Variants in COL12A1 observed in about 807,000 individuals in gnomAD.
COL12A1 encodes collagen alpha-1(XII) chain.
A neutral mutation model predicts 349.7 loss-of-function variants in COL12A1; 114 were observed. The ratio of observed to expected loss-of-function variants is 0.33; its 90% CI spans 0.28 to 0.38. The LOEUF (loss-of-function observed/expected upper bound fraction) is 0.38, where lower values mean the gene tolerates loss of function less well. Among genes scored for constraint, COL12A1 ranks in the 10% least tolerant of loss-of-function variants. The probability of loss-of-function intolerance (pLI) is 1.00; values close to 1 mark genes in which losing one functional copy is unlikely to be tolerated. For synonymous variants in COL12A1, 1,369 were observed against 1,329.0 expected, an observed-to-expected ratio of 1.03 and a Z score of -0.66; for missense variants, 3,284 against 3,756.9, an observed-to-expected ratio of 0.87 and a Z score of 3.29.
chr6:75,093,505 A>G (rs1395593153), intron 60 of COL12A1, among the ~76,000 whole-genome samples: 1 of 152,206 alleles, frequency 6.6e-6, no homozygotes, highest in Non-Finnish European at 1.5e-5. Context: ...TAGGGAAGAA[A>G]AAAAGAGGAA....
Position 75,130,109 on chromosome 6 carries a change from A to G in COL12A1, c.6192T>C (p.Gly2064=). The G allele has an allele frequency of 1.9e-6, 3 of 1,613,736 alleles. No homozygotes were observed. The highest frequency in any genetic ancestry group is 1.7e-6 in the Non-Finnish European group (2 of 1,179,884). Residue 2064 remains glycine (G), a synonymous_variant, in exon 37 of 66, where the codon GGT becomes GGC. Transcript: ENST00000322507. The part of the protein sequence containing the change: ...QYRIIYSPTV[G]DPIDEYTTVP... ...GACTTACATATTCATCAATTGGATC[A>G]CCAACAGTGGGAGAATAGATGATCC...
chr6:75,094,602 T>TA (rs1040338864), intron 60 of COL12A1, among the ~76,000 whole-genome samples: 8 of 152,112 alleles, frequency 5.3e-5, no homozygotes, highest in African/African-American at 1.7e-4. Context: ...AGGACAGTAT[T>TA]AAAAAAGTAA....
At chr6:75,130,033 T>C (rs1766223397) in intron 37 of COL12A1, 58 bp downstream of exon 37, 2 of 1,587,720 alleles carry the variant, frequency 1.3e-6, no homozygotes, top group Admixed American at 1.7e-5. Flanking sequence ...GAAGTTTAAC[T>C]TCACTGTCCA....
At chr6:75,087,413 T>C in intron 65 of COL12A1, 164 bp downstream of exon 65, 1 of 619,658 alleles carries the variant, frequency 1.6e-6, no homozygotes. Flanking sequence ...TGAAATAATG[T>C]TGTGTGCTAT....
chr6:75,189,421 A>G (rs762637686), intron 6 of COL12A1, 40 bp from the exon 7 acceptor site: 1 of 1,592,182 alleles, frequency 6.3e-7, no homozygotes, highest in African/African-American at 1.4e-5. Flanking sequence ...TCTGTACTAC[A>G]CAATTTTTCC....
chr6:75,200,370 C>T (rs969548881), intron 2 of COL12A1, among the ~76,000 whole-genome samples: 4 of 152,068 alleles, frequency 2.6e-5, no homozygotes, highest in African/African-American at 4.8e-5. Context: ...GCCAGGGGTT[C>T]GAGACCAGCC....
intron 32 of COL12A1, 96 bp from the exon 33 acceptor site, chr6:75,134,093 A>G: frequency 4.5e-6 from 6 of 1,333,512 alleles, no homozygotes; most frequent in Non-Finnish European, 6.2e-6. Context: ...CCTAGAACAT[A>G]GCAGGCACCG....
chr6:75,103,544 T>TA (rs1172510521), intron 55 of COL12A1, among the ~76,000 whole-genome samples: 2 of 152,196 alleles, frequency 1.3e-5, no homozygotes, highest in African/African-American at 4.8e-5. Flanking sequence ...GTGTAATTGT[T>TA]ACAGCTATGA....
chr6:75,111,638 G>C (rs898501370), intron 51 of COL12A1, among the ~76,000 whole-genome samples: 2 of 151,774 alleles, frequency 1.3e-5, no homozygotes, highest in Non-Finnish European at 3.0e-5. Context: ...AGCCACAAAA[G>C]TTCATCAGAC....
chr6:75,096,229 T>A (rs1172159793), intron 59 of COL12A1, among the ~76,000 whole-genome samples: 2 of 152,232 alleles, frequency 1.3e-5, no homozygotes, highest in Non-Finnish European at 2.9e-5. Context: ...AGCAATCCTT[T>A]ACTCCATTAA....
intron 21 of COL12A1, among the ~76,000 whole-genome samples, chr6:75,149,677 CTCTT>C (rs773175880): frequency 2.0e-5 from 3 of 152,132 alleles, no homozygotes; most frequent in Non-Finnish European, 4.4e-5. Context: ...CTCGTATAAA[CTCTT>C]TCTACTTTTT....
rs1554186125 is a variant in COL12A1, at chr6:75,175,045, T to G, written c.2703A>C (p.Thr901=). The part of the protein sequence containing the change: ...AGDALFGEGT[T]LEERGSPQDL... ...AAATATGATGGTAATTACCTTCAAG[T>G]GTTGTTCCTTCACCAAAGAGGGCGT... Residue 901 remains threonine, a synonymous_variant, in exon 13 of 66, where the codon ACA becomes ACC. Coordinates refer to ENST00000322507, the MANE Select transcript of COL12A1 (RefSeq NM_004370.6). The G allele has an allele frequency of 2.5e-6, 4 of 1,613,992 alleles. No individual in the cohort carries two copies. Among genetic ancestry groups the G allele is most frequent in the Non-Finnish European group, 2.5e-6 (3 of 1,179,962 alleles).
At chr6:75,142,206 AC>A in intron 26 of COL12A1, 45 bp from the exon 27 acceptor site, 3 of 1,609,998 alleles carry the variant, frequency 1.9e-6, no homozygotes, top group Non-Finnish European at 2.5e-6. Context: ...CAAAGGGTTT[AC>A]TTTTGACATC....
In COL12A1 at chr6:75,138,919, G is replaced by A; in HGVS notation, c.5000C>T (p.Thr1667Ile). 6.2e-7 allele frequency: 1 copy of A among 1,614,064 alleles called. No homozygotes were observed. Among genetic ancestry groups the A allele is most frequent in the Non-Finnish European group, 8.5e-7 (1 of 1,179,942 alleles). ...CCAAGTCCCTCTGAAACCCTCTGAT[G>A]TTACTTCAGTAATCTTTAAGTTTGT... is the stretch of plus-strand genomic sequence containing the variant. ...APTNLKITEV[T>I]SEGFRGTWDH... The change falls in exon 28 of 66, where the codon ACA becomes ATA. Residue 1667 changes from threonine to isoleucine, a missense_variant. By Grantham distance (89) the Thr-to-Ile change is moderately conservative. Around this residue, in one of 2 missense-constraint regions of COL12A1, gnomAD observed 2,601 missense variants for 2,824.8 expected, o/e 0.92. Coordinates refer to ENST00000322507, the MANE Select transcript of COL12A1 (RefSeq NM_004370.6).
At chr6:75,152,813 G>T (rs1337268167) in intron 17 of COL12A1, among the ~76,000 whole-genome samples, 1 of 151,914 alleles carries the variant, frequency 6.6e-6, no homozygotes. Context: ...AAATTCAAAG[G>T]CTGAAATAAA....
At chr6:75,087,791 A>T in intron 64 of COL12A1, 44 bp from the exon 65 acceptor site, 2 of 1,589,118 alleles carry the variant, frequency 1.3e-6, no homozygotes, top group Non-Finnish European at 1.7e-6. Flanking sequence ...CTTGTCAAAT[A>T]CAACTCCTGA....
chr6:75,113,555 CAT>C, intron 50 of COL12A1, 45 bp downstream of exon 50: 1 of 1,531,942 alleles, frequency 6.5e-7, no homozygotes, highest in Non-Finnish European at 8.8e-7. Flanking sequence ...AAAAGAAAAA[CAT>C]AATCAAAACT....
chr6:75,089,243 T>A, intron 63 of COL12A1, 69 bp from the exon 64 acceptor site: 1 of 1,084,334 alleles, frequency 9.2e-7, no homozygotes, highest in Non-Finnish European at 1.3e-6. Flanking sequence ...TCATCTTAAC[T>A]GATAATATTT....
At chr6:75,172,594 A>G (rs985462980) in intron 13 of COL12A1, among the ~76,000 whole-genome samples, 3 of 152,232 alleles carry the variant, frequency 2.0e-5, no homozygotes, top group African/African-American at 7.2e-5. Flanking sequence ...ATGGAGAAAC[A>G]GAACTTCAAA....
Sources: gnomAD v4.1 joint callset for allele counts (sites outside exome capture counted in the v4.1 genomes callset) on GRCh38, gnomAD v4.1.1 for gene constraint, gnomAD v4.1.1 regional missense constraint, MANE v1.5 for transcripts, NCBI Gene and HGNC (gene_info 2026-07-23, HGNC 2026-07-21) for gene names.